Variants in PDLIM5 observed in about 807,000 individuals in gnomAD.
The protein encoded by PDLIM5 is PDZ and LIM domain 5, also known as PDZ and LIM domain protein 5.
In PDLIM5, 34 loss-of-function variants were observed where a neutral mutation model predicts 64.2. The ratio of observed to expected loss-of-function variants is 0.53; its 90% CI spans 0.40 to 0.71. The LOEUF is 0.71. Ranked by LOEUF, PDLIM5 falls within the 30% of genes least tolerant of loss-of-function variation. The probability of loss-of-function intolerance (pLI) is 0.00; values close to 1 mark genes in which losing one functional copy is unlikely to be tolerated. For missense variants in PDLIM5, 683 were observed against 733.6 expected, an observed-to-expected ratio of 0.93 and a Z score of 0.80; for synonymous variants, 253 against 269.1, an observed-to-expected ratio of 0.94 and a Z score of 0.59.
At chr4:94,589,550 G>A (rs919109116) in intron 7 of PDLIM5, among the ~76,000 whole-genome samples, 2 of 152,102 alleles carry the variant, frequency 1.3e-5, no homozygotes, top group African/African-American at 4.8e-5. Flanking sequence ...TTAAATGCTA[G>A]CCAAAAATTA....
chr4:94,615,214 C>T (rs954752547), intron 7 of PDLIM5, among the ~76,000 whole-genome samples: 2 of 152,054 alleles, frequency 1.3e-5, no homozygotes, highest in African/African-American at 4.8e-5. Flanking sequence ...AAGTCCCCAA[C>T]CTCAGGTAGT....
rs11722955 is a variant in PDLIM5, at chr4:94,585,676, G to A, written c.822G>A (p.Arg274=). ...AGGATACTGAAGACTGGCGTCCAAG[G>A]ACTGGAACAACTCAGTCTCGCTCTT... ...LIEDTEDWRP[R]TGTTQSRSFR... Residue 274 remains arginine, a synonymous_variant, in exon 6 of 13, where the codon AGG becomes AGA. Transcript: ENST00000317968. 0.065 allele frequency: 105,211 copies of A among 1,613,282 alleles called. 4,137 individuals are homozygous for A. The highest frequency in any genetic ancestry group is 0.13 in the African/African-American group (10,037 of 74,870).
chr4:94,535,307 G>A (rs1731223198), intron 3 of PDLIM5, among the ~76,000 whole-genome samples: 1 of 152,206 alleles, frequency 6.6e-6, no homozygotes, highest in Admixed American at 6.5e-5. Context: ...CAGGCTCAGT[G>A]TTCTGCCCCT....
chr4:94,550,905 C>T (rs1732749782), intron 3 of PDLIM5, among the ~76,000 whole-genome samples: 1 of 151,980 alleles, frequency 6.6e-6, no homozygotes, highest in Non-Finnish European at 1.5e-5. Context: ...GGGTTGAGGT[C>T]TGTATGGCAA....
Position 94,451,979 on chromosome 4 carries a change from G to C in PDLIM5, c.-59G>C, listed in dbSNP as rs1722882258. 1 of 152,272 alleles carries C rather than the reference G, an allele frequency of 6.6e-6. No individual in the cohort carries two copies. The highest frequency in any genetic ancestry group is 1.5e-5 in the Non-Finnish European group (1 of 68,122). The allele number at this position is 152,272 out of a possible 1,614,324, so 9.4% of individuals were successfully genotyped here. On this transcript the variant is annotated 5_prime_UTR_variant, in exon 1 of 13. Coordinates refer to ENST00000317968, the MANE Select transcript of PDLIM5 (RefSeq NM_006457.5). ...TTGTCTGAGGCGGAGGCAGCCCCGC[G>C]CCGCGCCGGACCCGAGGTGAGTGGC...
intron 5 of PDLIM5, chr4:94,579,140 A>G (rs960948746): frequency 4.5e-5 from 7 of 155,488 alleles, no homozygotes; most frequent in African/African-American, 1.2e-4. Context: ...GTTCCTTCTT[A>G]TGAGTAAGGA....
At chr4:94,464,523 T>A (rs1377326495) in intron 2 of PDLIM5, among the ~76,000 whole-genome samples, 1 of 152,238 alleles carries the variant, frequency 6.6e-6, no homozygotes, top group Non-Finnish European at 1.5e-5. Flanking sequence ...TCTGAAAGTA[T>A]TTTTCTTCTG....
At chr4:94,545,528 A>G (rs920319730) in intron 3 of PDLIM5, among the ~76,000 whole-genome samples, 7 of 152,232 alleles carry the variant, frequency 4.6e-5, no homozygotes, top group African/African-American at 1.7e-4. Flanking sequence ...AGATCACAAC[A>G]TCAGATTATT....
chr4:94,500,509 C>T (rs1020795923), intron 2 of PDLIM5, among the ~76,000 whole-genome samples: 4 of 151,976 alleles, frequency 2.6e-5, no homozygotes, highest in Non-Finnish European at 5.9e-5. Context: ...GAATTGATGG[C>T]AGACTAGAGA....
At chr4:94,600,514 A>G (rs1737410021) in intron 7 of PDLIM5, among the ~76,000 whole-genome samples, 1 of 152,242 alleles carries the variant, frequency 6.6e-6, no homozygotes, top group African/African-American at 2.4e-5. Context: ...ATTAAATAAT[A>G]CATGCCTTTC....
chr4:94,503,782 C>A (rs1397373237), intron 2 of PDLIM5, among the ~76,000 whole-genome samples: 1 of 152,212 alleles, frequency 6.6e-6, no homozygotes, highest in East Asian at 1.9e-4. Flanking sequence ...CAGAGTTCTA[C>A]CCCTTTTATA....
chr4:94,569,316 C>CGTTTGTTT (rs1349177076), intron 3 of PDLIM5, among the ~76,000 whole-genome samples: 15 of 138,662 alleles, frequency 1.1e-4, no homozygotes, highest in Admixed American at 2.8e-4. Flanking sequence ...TTTACCCCTT[C>CGTTTGTTT]GTTTGTTTGT....
Position 94,603,693 on chromosome 4 carries a change from G to A in PDLIM5, c.921-14311G>A, listed in dbSNP as rs146898518. Among the ~76,000 whole-genome samples, 1,120 of 152,256 alleles carry A rather than the reference G, an allele frequency of 7.4e-3. 10 individuals carry two copies. The highest frequency in any genetic ancestry group is 0.025 in the African/African-American group (1,037 of 41,566). ...TTGCCGTGTATGTGTGTGCGCACGCGCGCGTGTGTGAGTGTGCTGGGACTT... is the reference window on the plus strand; with the variant it reads ...TTGCCGTGTATGTGTGTGCGCACGCACGCGTGTGTGAGTGTGCTGGGACTT... On this transcript the variant is annotated intron_variant, in intron 7 of 12. Transcript: ENST00000317968.
At chr4:94,628,699 G>A (rs1048554604) in intron 8 of PDLIM5, among the ~76,000 whole-genome samples, 10 of 152,192 alleles carry the variant, frequency 6.6e-5, no homozygotes, top group East Asian at 1.9e-4. Flanking sequence ...TGTAGCTTTC[G>A]TGTGACTTTG....
chr4:94,559,510 G>C (rs1034392250), intron 3 of PDLIM5, among the ~76,000 whole-genome samples: 2 of 152,222 alleles, frequency 1.3e-5, no homozygotes, highest in Non-Finnish European at 2.9e-5. Flanking sequence ...GCATATGCCA[G>C]TGTTTGCTTT....
At chr4:94,584,690 G>A (rs1736015935) in intron 5 of PDLIM5, 2 of 343,274 alleles carry the variant, frequency 5.8e-6, no homozygotes, top group South Asian at 1.3e-4. Context: ...GGAATTGCTA[G>A]TTTAGCCTCT....
intron 2 of PDLIM5, among the ~76,000 whole-genome samples, chr4:94,490,434 A>G (rs1469443179): frequency 6.6e-6 from 1 of 152,156 alleles, no homozygotes; most frequent in African/African-American, 2.4e-5. Context: ...TATTCCATAC[A>G]CTATGTATTA....
intron 5 of PDLIM5, among the ~76,000 whole-genome samples, chr4:94,583,171 A>G (rs765339196): frequency 3.9e-5 from 6 of 152,052 alleles, no homozygotes; most frequent in African/African-American, 1.2e-4. Flanking sequence ...TGGTCATCAC[A>G]CTCTGGAGTT....
At position 94,666,916 on chromosome 4, in the gene PDLIM5, ATCTC is replaced by A. The variant is rs1035746673; in HGVS notation, c.*2853_*2856del. 6.6e-6 allele frequency: 1 copy of A among 152,190 alleles called. No individual in the cohort carries two copies. Among genetic ancestry groups the A allele is most frequent in the African/African-American group, 2.4e-5 (1 of 41,450 alleles). 9.4% of individuals were successfully genotyped at this position (152,190 alleles called of 1,614,324 possible). ...TAAATATTGAACATAATCCAGAAGA[ATCTC>A]TCTGTTTCCCTTGGGGAATGCCATA... is the stretch of plus-strand genomic sequence containing the variant. On this transcript the variant is annotated 3_prime_UTR_variant, in exon 13 of 13. Transcript: ENST00000317968.
Sources: gnomAD v4.1 joint callset for allele counts (sites outside exome capture counted in the v4.1 genomes callset) on GRCh38, gnomAD v4.1.1 for gene constraint, MANE v1.5 for transcripts, NCBI Gene and HGNC (gene_info 2026-07-23, HGNC 2026-07-21) for gene names.